The following ELMO1 variants were observed in gnomAD, a reference collection of about 807,000 sequenced individuals.
The protein encoded by ELMO1 is engulfment and cell motility 1, also known as engulfment and cell motility protein 1.
In ELMO1, 26 loss-of-function variants were observed where a neutral mutation model predicts 98.9. The observed-to-expected ratio is 0.26, with a 90% CI of 0.19 to 0.36. The LOEUF is 0.36. Among genes scored for constraint, ELMO1 ranks in the 10% least tolerant of loss-of-function variants. The probability of loss-of-function intolerance (pLI) is 1.00; values close to 1 mark genes in which losing one functional copy is unlikely to be tolerated. For synonymous variants in ELMO1, 346 were observed against 346.0 expected, an observed-to-expected ratio of 1.00 and a Z score of 0.00; for missense variants, 627 against 935.2, an observed-to-expected ratio of 0.67 and a Z score of 4.30.
chr7:37,007,502 T>C (rs767838849), intron 16 of ELMO1, among the ~76,000 whole-genome samples: 2 of 152,210 alleles, frequency 1.3e-5, no homozygotes, highest in Non-Finnish European at 2.9e-5. Context: ...TGTTTATTCA[T>C]GATGAGACTT....
intron 16 of ELMO1, among the ~76,000 whole-genome samples, chr7:36,912,103 A>G (rs1784383289): frequency 6.6e-6 from 1 of 152,224 alleles, no homozygotes; most frequent in African/African-American, 2.4e-5. Flanking sequence ...AGTTGTTCAG[A>G]CATATAGTAA....
chr7:37,228,787 G>T (rs139827288), intron 8 of ELMO1, among the ~76,000 whole-genome samples: 4,734 of 152,130 alleles, frequency 0.031, 102 homozygotes, highest in Non-Finnish European at 0.048. Context: ...TGGATCACGA[G>T]GTCAGGAGAT....
intron 13 of ELMO1, among the ~76,000 whole-genome samples, chr7:37,138,254 A>T (rs528819735): frequency 6.6e-6 from 1 of 151,618 alleles, no homozygotes; most frequent in East Asian, 1.9e-4. Context: ...CAACAACAAA[A>T]ATACAAAAGA....
intron 1 of ELMO1, among the ~76,000 whole-genome samples, chr7:37,379,470 T>C (rs1802498683): frequency 6.6e-6 from 1 of 152,224 alleles, no homozygotes; most frequent in African/African-American, 2.4e-5. Context: ...CTACTGATCT[T>C]GCTTTAAATT....
At chr7:37,193,969 T>C (rs1791813573) in intron 13 of ELMO1, among the ~76,000 whole-genome samples, 1 of 152,082 alleles carries the variant, frequency 6.6e-6, no homozygotes, top group Non-Finnish European at 1.5e-5. Context: ...TCTAAATACA[T>C]CTCACTGGCA....
chr7:36,869,931 C>T (rs945882746), intron 20 of ELMO1, among the ~76,000 whole-genome samples: 3 of 152,194 alleles, frequency 2.0e-5, no homozygotes, highest in Non-Finnish European at 4.4e-5. Context: ...TTCTTTGAGT[C>T]AGCTGCTCTC....
intron 16 of ELMO1, among the ~76,000 whole-genome samples, chr7:36,980,369 A>G (rs904020555): frequency 2.0e-5 from 3 of 152,214 alleles, no homozygotes; most frequent in Non-Finnish European, 4.4e-5. Context: ...ATACACCTGG[A>G]AAGACCGTTA....
intron 6 of ELMO1, among the ~76,000 whole-genome samples, chr7:37,244,704 AC>A (rs1794911259): frequency 6.6e-6 from 1 of 152,190 alleles, no homozygotes; most frequent in Non-Finnish European, 1.5e-5. Flanking sequence ...GGGGTGGGGT[AC>A]CCATAGGGAT....
intron 13 of ELMO1, among the ~76,000 whole-genome samples, chr7:37,168,963 C>A (rs1188523426): frequency 6.6e-6 from 1 of 152,246 alleles, no homozygotes; most frequent in Non-Finnish European, 1.5e-5. Context: ...CAGAGGCAGG[C>A]AGGCCTCCTG....
At chr7:37,160,106 G>A (rs1789100015) in intron 13 of ELMO1, among the ~76,000 whole-genome samples, 1 of 152,154 alleles carries the variant, frequency 6.6e-6, no homozygotes, top group Non-Finnish European at 1.5e-5. Context: ...ATCAAAAGTG[G>A]TTGTTTGCCA....
chr7:37,330,304 T>A (rs59472144), intron 2 of ELMO1, among the ~76,000 whole-genome samples: 24,377 of 152,220 alleles, frequency 0.16, 1,944 homozygotes, highest in Non-Finnish European at 0.18. Flanking sequence ...TATTTTTCAT[T>A]CCCTTCTCTT....
intron 15 of ELMO1, among the ~76,000 whole-genome samples, chr7:37,075,008 G>A (rs1797487884): frequency 6.6e-6 from 1 of 152,106 alleles, no homozygotes; most frequent in South Asian, 2.1e-4. Flanking sequence ...TTCTCATGCC[G>A]CACTTATTCC....
intron 13 of ELMO1, among the ~76,000 whole-genome samples, chr7:37,161,706 A>T (rs1316100152): frequency 1.3e-5 from 2 of 151,300 alleles, no homozygotes; most frequent in Non-Finnish European, 2.9e-5. Context: ...GTATTCTGTC[A>T]ATTCAAAACT....
chr7:37,193,471 C>T (rs1791769560), intron 13 of ELMO1, among the ~76,000 whole-genome samples: 1 of 152,184 alleles, frequency 6.6e-6, no homozygotes, highest in South Asian at 2.1e-4. Flanking sequence ...AGAGCGGTCA[C>T]CCCTCGGGTT....
intron 7 of ELMO1, 133 bp from the exon 8 acceptor site, chr7:37,233,327 G>C (rs1229915632): frequency 2.8e-6 from 2 of 707,344 alleles, no homozygotes; most frequent in Admixed American, 2.9e-5. Context: ...GACCACAGGT[G>C]ACTTCTTCAC....
chr7:37,203,325 G>A lies in ELMO1; in HGVS notation c.1086+8061C>T, dbSNP rs549590725. On this transcript the variant is annotated intron_variant, in intron 13 of 21. Coordinates refer to ENST00000310758, the MANE Select transcript of ELMO1 (RefSeq NM_014800.11). ...CATGTCCTATAAAGATGTTATGCCCGAAAAATGAAGTGGAGGGTCGTACCC... is the reference window on the plus strand; with the variant it reads ...CATGTCCTATAAAGATGTTATGCCCAAAAAATGAAGTGGAGGGTCGTACCC... 9.9e-5 allele frequency among the ~76,000 whole-genome samples: 15 copies of A among 152,240 alleles called. No individual in the cohort carries two copies. The South Asian group carries it at 2.5e-3, about 25-fold the overall frequency.
At chr7:37,264,179 G>C (rs1796128231) in intron 5 of ELMO1, among the ~76,000 whole-genome samples, 1 of 152,162 alleles carries the variant, frequency 6.6e-6, no homozygotes, top group Non-Finnish European at 1.5e-5. Flanking sequence ...TGGAGTGTGT[G>C]TATCTGCCAG....
At chr7:37,361,866 G>A (rs1417768274) in intron 1 of ELMO1, among the ~76,000 whole-genome samples, 2 of 152,184 alleles carry the variant, frequency 1.3e-5, no homozygotes, top group Non-Finnish European at 2.9e-5. Flanking sequence ...GGAGGCTGAG[G>A]TGGAAGGATC....
intron 1 of ELMO1, among the ~76,000 whole-genome samples, chr7:37,361,055 A>T (rs1375876525): frequency 6.6e-6 from 1 of 152,188 alleles, no homozygotes; most frequent in Non-Finnish European, 1.5e-5. Context: ...ATTCTCACAC[A>T]TTGCTGATAA....
Sources: allele counts gnomAD v4.1 joint callset (sites outside exome capture counted in the v4.1 genomes callset), GRCh38; gene constraint gnomAD v4.1.1; transcripts MANE v1.5; gene names NCBI Gene and HGNC (gene_info 2026-07-23, HGNC 2026-07-21).